The following DCC variants were observed in gnomAD, a reference collection of about 807,000 sequenced individuals.
DCC encodes DCC netrin 1 receptor.
Under a neutral mutation model 172.5 loss-of-function variants are expected in DCC, and 58 were observed. The observed-to-expected ratio is 0.34, with a 90% CI of 0.27 to 0.42. The LOEUF (loss-of-function observed/expected upper bound fraction) is 0.42, where lower values mean the gene tolerates loss of function less well. Ranked by LOEUF, DCC falls within the 10% of genes least tolerant of loss-of-function variation. The pLI is 1.00. For missense variants in DCC, 1,740 were observed against 1,791.0 expected (o/e 0.97, Z 0.51); for synonymous variants, 709 against 644.5 (o/e 1.10, Z -1.52).
intron 5 of DCC, among the ~76,000 whole-genome samples, chr18:53,014,203 A>G (rs1215144957): frequency 6.6e-6 from 1 of 152,216 alleles, no homozygotes; most frequent in Non-Finnish European, 1.5e-5. Context: ...TAGATGAATC[A>G]CTTGCTTATT....
chr18:52,497,211 T>C (rs1224795087), intron 1 of DCC, among the ~76,000 whole-genome samples: 2 of 144,502 alleles, frequency 1.4e-5, no homozygotes, highest in Non-Finnish European at 3.0e-5. Context: ...CAGTTAACTA[T>C]GATGGCGCCA....
At chr18:53,081,053 G>T (rs1184793357) in intron 7 of DCC, among the ~76,000 whole-genome samples, 2 of 152,056 alleles carry the variant, frequency 1.3e-5, no homozygotes, top group Non-Finnish European at 2.9e-5. Context: ...TCGCTGCCAG[G>T]ACTGGAATAT....
At chr18:53,354,005 A>ATGCGGTGT (rs2057846112) in intron 15 of DCC, among the ~76,000 whole-genome samples, 1 of 152,134 alleles carries the variant, frequency 6.6e-6, no homozygotes, top group Admixed American at 6.5e-5. Flanking sequence ...GAGTGAGAAC[A>ATGCGGTGT]TGCGGTGTTT....
chr18:52,490,262 G>C (rs1158649966), intron 1 of DCC, among the ~76,000 whole-genome samples: 1 of 152,060 alleles, frequency 6.6e-6, no homozygotes, highest in East Asian at 1.9e-4. Context: ...GCTGCAGTGA[G>C]GCAACAAATA....
intron 5 of DCC, among the ~76,000 whole-genome samples, chr18:52,977,340 G>C (rs1276693803): frequency 6.6e-6 from 1 of 152,008 alleles, no homozygotes; most frequent in Admixed American, 6.6e-5. Context: ...TGGGCCCCAG[G>C]GATTCTGATT....
chr18:53,471,887 G>T (rs1369503353), intron 25 of DCC, among the ~76,000 whole-genome samples: 1 of 151,716 alleles, frequency 6.6e-6, no homozygotes, highest in East Asian at 1.9e-4. Flanking sequence ...TATTCTATTT[G>T]TGGTTTTGTG....
intron 7 of DCC, among the ~76,000 whole-genome samples, chr18:53,079,295 T>C (rs921903246): frequency 2.0e-5 from 3 of 151,986 alleles, no homozygotes; most frequent in Non-Finnish European, 2.9e-5. Flanking sequence ...TTTCTTGTTA[T>C]ACTTGAGCCT....
intron 1 of DCC, among the ~76,000 whole-genome samples, chr18:52,381,450 G>A (rs1471467409): frequency 5.3e-5 from 8 of 152,120 alleles, no homozygotes; most frequent in Non-Finnish European, 1.0e-4. Context: ...TGGGCACAAG[G>A]TATGAATTCA....
chr18:53,446,926 T>C (rs1452487378), intron 22 of DCC, among the ~76,000 whole-genome samples: 1 of 152,178 alleles, frequency 6.6e-6, no homozygotes, highest in African/African-American at 2.4e-5. Flanking sequence ...CTAAACACAA[T>C]AAGGGTGTGG....
intron 1 of DCC, among the ~76,000 whole-genome samples, chr18:52,712,236 G>A (rs1279439356): frequency 1.3e-5 from 2 of 152,146 alleles, no homozygotes; most frequent in Admixed American, 6.5e-5. Flanking sequence ...TAGGATTACA[G>A]GTGTGAGGCA....
intron 14 of DCC, among the ~76,000 whole-genome samples, chr18:53,332,876 G>A (rs2057546130): frequency 6.6e-6 from 1 of 152,036 alleles, no homozygotes; most frequent in Non-Finnish European, 1.5e-5. Flanking sequence ...CCCAGCCTGG[G>A]CAACACAGGG....
intron 1 of DCC, among the ~76,000 whole-genome samples, chr18:52,647,190 G>T (rs961877120): frequency 2.6e-5 from 4 of 152,136 alleles, no homozygotes; most frequent in Non-Finnish European, 4.4e-5. Context: ...GTCATCCACG[G>T]TAAGGCCAGA....
intron 1 of DCC, among the ~76,000 whole-genome samples, chr18:52,393,887 C>G (rs1986120154): frequency 1.3e-5 from 2 of 151,978 alleles, no homozygotes; most frequent in African/African-American, 4.8e-5. Context: ...TTTTAAGACC[C>G]CTTTCAGATT....
At chr18:52,508,978 G>A (rs993952363) in intron 1 of DCC, among the ~76,000 whole-genome samples, 2 of 152,134 alleles carry the variant, frequency 1.3e-5, no homozygotes, top group South Asian at 2.1e-4. Context: ...ACTGAAATGC[G>A]GGTCTTCAAT....
intron 5 of DCC, among the ~76,000 whole-genome samples, chr18:52,972,166 G>A (rs370115210): frequency 3.3e-5 from 5 of 152,158 alleles, no homozygotes; most frequent in East Asian, 1.9e-4. Flanking sequence ...GAGACAAACC[G>A]TAGGGCAGAG....
chr18:52,511,827 G>C lies in DCC; in HGVS notation c.91+170949G>C, dbSNP rs118130167. On this transcript the variant is annotated intron_variant, in intron 1 of 28. Transcript: ENST00000442544. ...AAATGTGATTGGACGGGAACACAGA[G>C]AGTTTCATTTTCAGGACTGGCTTTC... 7.2e-3 allele frequency among the ~76,000 whole-genome samples: 1,097 copies of C among 152,294 alleles called. 7 individuals carry two copies. Among genetic ancestry groups the C allele is most frequent in the Non-Finnish European group, 0.012 (820 of 68,020 alleles).
chr18:52,561,004 A>T (rs1207116044), intron 1 of DCC, among the ~76,000 whole-genome samples: 1 of 152,162 alleles, frequency 6.6e-6, no homozygotes, highest in Non-Finnish European at 1.5e-5. Flanking sequence ...ATTTGGAAGC[A>T]TATGGAAGGT....
chr18:52,498,668 A>G (rs555747416), intron 1 of DCC, among the ~76,000 whole-genome samples: 1 of 152,142 alleles, frequency 6.6e-6, no homozygotes, highest in African/African-American at 2.4e-5. Flanking sequence ...TAATGAATAT[A>G]TATTTTTTCT....
chr18:52,537,366 G>A (rs923592304), intron 1 of DCC, among the ~76,000 whole-genome samples: 2 of 152,160 alleles, frequency 1.3e-5, no homozygotes, highest in African/African-American at 4.8e-5. Flanking sequence ...AGCTTTCATA[G>A]GTTCTAAAAT....
Sources: allele counts gnomAD v4.1 joint callset (sites outside exome capture counted in the v4.1 genomes callset), GRCh38; gene constraint gnomAD v4.1.1; transcripts MANE v1.5; gene names NCBI Gene and HGNC (gene_info 2026-07-23, HGNC 2026-07-21).